CNTN5: variants seen among roughly 807,000 people sequenced by gnomAD.
CNTN5 encodes the protein contactin 5.
Under a neutral mutation model 129.1 loss-of-function variants are expected in CNTN5, and 77 were observed. The ratio of observed to expected loss-of-function variants is 0.60; its 90% CI spans 0.50 to 0.72. CNTN5 has a LOEUF of 0.72. Among genes scored for constraint, CNTN5 ranks in the 30% least tolerant of loss-of-function variants. The probability of loss-of-function intolerance (pLI) is 0.00; values close to 1 mark genes in which losing one functional copy is unlikely to be tolerated. For missense variants in CNTN5, 1,478 were observed against 1,328.8 expected (o/e 1.11, Z -1.75); for synonymous variants, 509 against 465.6 (o/e 1.09, Z -1.20).
intron 15 of CNTN5, among the ~76,000 whole-genome samples, chr11:100,204,295 CTAATATAT>C (rs1364211512): frequency 1.6e-3 from 44 of 27,708 alleles, no homozygotes; most frequent in East Asian, 4.1e-3. Context: ...CAAACATTGA[CTAATATAT>C]ATATATATAT....
intron 1 of CNTN5, among the ~76,000 whole-genome samples, chr11:99,201,355 C>CT (rs773405416): frequency 1.1e-4 from 16 of 139,908 alleles, no homozygotes; most frequent in Non-Finnish European, 2.0e-4. Context: ...CTTTCCTTTC[C>CT]TTCCTTCCTT....
At chr11:100,203,778 C>A (rs1271495325) in intron 15 of CNTN5, among the ~76,000 whole-genome samples, 1 of 122,372 alleles carries the variant, frequency 8.2e-6, no homozygotes, top group East Asian at 2.9e-4. Context: ...CCCATCCCAT[C>A]CAATTACATA....
chr11:99,841,175 C>T (rs1947477463), intron 4 of CNTN5, among the ~76,000 whole-genome samples: 1 of 152,148 alleles, frequency 6.6e-6, no homozygotes, highest in South Asian at 2.1e-4. Flanking sequence ...ATGATGGAGT[C>T]ACTGAATAGG....
chr11:100,021,045 T>G (rs770290512), intron 9 of CNTN5, among the ~76,000 whole-genome samples: 1 of 152,152 alleles, frequency 6.6e-6, no homozygotes, highest in Admixed American at 6.6e-5. Flanking sequence ...TCCAGTTCTA[T>G]GATTTCTAAT....
At chr11:99,994,464 C>A (rs2137430854) in intron 8 of CNTN5, among the ~76,000 whole-genome samples, 1 of 152,268 alleles carries the variant, frequency 6.6e-6, no homozygotes. Flanking sequence ...CTCCTAAGAT[C>A]TCTTTAGACA....
At chr11:100,058,786 T>G (rs1222220805) in intron 9 of CNTN5, among the ~76,000 whole-genome samples, 1 of 152,158 alleles carries the variant, frequency 6.6e-6, no homozygotes, top group Admixed American at 6.5e-5. Context: ...CACTTAACGG[T>G]TATAATCTAT....
intron 3 of CNTN5, among the ~76,000 whole-genome samples, chr11:99,732,085 T>G (rs1041020659): frequency 4.6e-5 from 7 of 152,222 alleles, no homozygotes; most frequent in Admixed American, 1.3e-4. Flanking sequence ...AGACAAATAG[T>G]TGAATTCATC....
intron 16 of CNTN5, among the ~76,000 whole-genome samples, chr11:100,245,004 T>C (rs916877269): frequency 6.6e-6 from 1 of 152,198 alleles, no homozygotes; most frequent in Non-Finnish European, 1.5e-5. Context: ...TTCTCAGTTA[T>C]CCTTTATATC....
intron 16 of CNTN5, among the ~76,000 whole-genome samples, chr11:100,232,972 A>T (rs1949524921): frequency 6.6e-6 from 1 of 152,156 alleles, no homozygotes. Context: ...AAAACGTACT[A>T]TTTTTAGTTC....
intron 16 of CNTN5, among the ~76,000 whole-genome samples, chr11:100,249,641 C>A (rs966621979): frequency 6.6e-6 from 1 of 152,164 alleles, no homozygotes; most frequent in Non-Finnish European, 1.5e-5. Context: ...GACTGTCACA[C>A]ATTTGTCATC....
chr11:100,306,152 CT>C (rs1951344418), intron 20 of CNTN5, among the ~76,000 whole-genome samples: 1 of 151,508 alleles, frequency 6.6e-6, no homozygotes, highest in Non-Finnish European at 1.5e-5. Flanking sequence ...TAACATGCAG[CT>C]CCCCAAAATG....
At chr11:99,306,054 C>A (rs1864862424) in intron 1 of CNTN5, among the ~76,000 whole-genome samples, 1 of 152,002 alleles carries the variant, frequency 6.6e-6, no homozygotes, top group Non-Finnish European at 1.5e-5. Context: ...CATTGAAGAA[C>A]TAAAATTTCA....
intron 2 of CNTN5, among the ~76,000 whole-genome samples, chr11:99,463,299 G>A (rs1216939057): frequency 3.3e-5 from 5 of 150,554 alleles, no homozygotes; most frequent in African/African-American, 9.7e-5. Context: ...TTAGCTGGGC[G>A]TGGTGGCGGG....
chr11:99,345,046 C>G (rs1269184208), intron 2 of CNTN5, among the ~76,000 whole-genome samples: 1 of 152,082 alleles, frequency 6.6e-6, no homozygotes, highest in African/African-American at 2.4e-5. Flanking sequence ...GGACGTGGAA[C>G]CTTTTTCTCA....
intron 9 of CNTN5, among the ~76,000 whole-genome samples, chr11:100,006,730 A>T (rs1030071864): frequency 5.9e-5 from 9 of 151,272 alleles, no homozygotes; most frequent in African/African-American, 2.2e-4. Context: ...ATTCCTATTA[A>T]TATTTTGACC....
chr11:99,923,744 AATCT>A (rs1338442788), intron 7 of CNTN5, among the ~76,000 whole-genome samples: 111 of 122,242 alleles, frequency 9.1e-4, no homozygotes, highest in African/African-American at 3.4e-3. Flanking sequence ...CTGTCTATCT[AATCT>A]ATCTGTCTGT....
intron 1 of CNTN5, among the ~76,000 whole-genome samples, chr11:99,184,269 G>C (rs375050311): frequency 1.3e-5 from 2 of 151,918 alleles, no homozygotes; most frequent in Non-Finnish European, 2.9e-5. Context: ...CATACCTTTT[G>C]CTCATTATAC....
chr11:100,338,814 C>A (rs983311570), intron 21 of CNTN5, among the ~76,000 whole-genome samples: 1 of 151,836 alleles, frequency 6.6e-6, no homozygotes, highest in African/African-American at 2.4e-5. Context: ...GACCCCTAAG[C>A]CCCAGAGGGA....
chr11:99,741,641 C>T (rs1943891339), intron 3 of CNTN5, among the ~76,000 whole-genome samples: 1 of 152,052 alleles, frequency 6.6e-6, no homozygotes, highest in Non-Finnish European at 1.5e-5. Context: ...GACAAGTTTG[C>T]CCTAAGCTTA....
Sources: allele counts gnomAD v4.1 joint callset (sites outside exome capture counted in the v4.1 genomes callset), GRCh38; gene constraint gnomAD v4.1.1; transcripts MANE v1.5; gene names NCBI Gene and HGNC (gene_info 2026-07-23, HGNC 2026-07-21).